The following TRIO variants were observed in gnomAD, a reference collection of about 807,000 sequenced individuals.
TRIO encodes the protein triple functional domain protein.
In TRIO, 58 loss-of-function variants were observed where a neutral mutation model predicts 351.9. That is an observed-to-expected ratio of 0.16 (90% confidence interval 0.13 to 0.21). TRIO has a LOEUF of 0.21. TRIO is among the 10% of genes least tolerant of loss of function. The pLI is 1.00. For missense variants in TRIO, 3,201 were observed against 4,027.8 expected, an observed-to-expected ratio of 0.79 and a Z score of 5.56; for synonymous variants, 1,758 against 1,595.7, an observed-to-expected ratio of 1.10 and a Z score of -2.42.
intron 7 of TRIO, 88 bp from the exon 8 acceptor site, chr5:14,304,373 C>T: frequency 1.5e-6 from 2 of 1,360,586 alleles, no homozygotes; most frequent in Non-Finnish European, 1.0e-6. Context: ...TCCCTCAAGT[C>T]CCCTAATTTT....
chr5:14,349,184 C>T (rs1742778191), intron 11 of TRIO, among the ~76,000 whole-genome samples: 1 of 136,322 alleles, frequency 7.3e-6, no homozygotes, highest in African/African-American at 2.8e-5. Flanking sequence ...TGTGTTTTTC[C>T]TGTGTGTATA....
At chr5:14,310,956 G>C (rs771583234) in intron 8 of TRIO, among the ~76,000 whole-genome samples, 12 of 152,224 alleles carry the variant, frequency 7.9e-5, no homozygotes, top group Non-Finnish European at 1.6e-4. Flanking sequence ...AAAGTGCTGA[G>C]ATTACAGGCG....
At chr5:14,490,581 C>T (rs1561553727) in intron 48 of TRIO, among the ~76,000 whole-genome samples, 1 of 152,378 alleles carries the variant, frequency 6.6e-6, no homozygotes, top group Middle Eastern at 3.4e-3. Context: ...TGGAGTCACT[C>T]CAGCCCTGCC....
intron 48 of TRIO, 160 bp from the exon 49 acceptor site, chr5:14,492,407 G>C: frequency 2.3e-6 from 2 of 888,444 alleles, no homozygotes; most frequent in African/African-American, 1.7e-5. Context: ...CACACAGTTA[G>C]CCAGAGGGTA....
chr5:14,447,376 A>G (rs963660411), intron 34 of TRIO, among the ~76,000 whole-genome samples: 3 of 152,256 alleles, frequency 2.0e-5, no homozygotes, highest in African/African-American at 4.8e-5. Flanking sequence ...CATGGTTTAT[A>G]GTAAATTTTC....
intron 49 of TRIO, among the ~76,000 whole-genome samples, chr5:14,495,038 T>G (rs188960054): frequency 1.3e-5 from 2 of 152,318 alleles, no homozygotes; most frequent in East Asian, 3.9e-4. Flanking sequence ...TGAAGAACAC[T>G]CATGAATCAT....
chr5:14,150,830 G>C (rs193041623), intron 1 of TRIO, among the ~76,000 whole-genome samples: 171 of 152,290 alleles, frequency 1.1e-3, no homozygotes, highest in African/African-American at 4.0e-3. Context: ...TCTTATAATT[G>C]CCCGGGGGTG....
intron 1 of TRIO, among the ~76,000 whole-genome samples, chr5:14,213,215 T>C (rs1334393365): frequency 6.6e-6 from 1 of 152,126 alleles, no homozygotes; most frequent in Non-Finnish European, 1.5e-5. Context: ...TTTTTCCTGC[T>C]TCTCCTCCCT....
chr5:14,184,900 G>A (rs558214069), intron 1 of TRIO, among the ~76,000 whole-genome samples: 1 of 152,102 alleles, frequency 6.6e-6, no homozygotes. Flanking sequence ...CATTAATCAC[G>A]TTTAGTGTTC....
rs141172608 is a variant in TRIO, at chr5:14,173,999, C to T, written c.157+30117C>T. Among the ~76,000 whole-genome samples, 46 of 152,344 alleles carry T rather than the reference C, an allele frequency of 3.0e-4. 2 individuals carry two copies. In the East Asian group the frequency reaches 4.8e-3, roughly 16 times the overall value. ...ACCAGCGGCTGCAAGTCCATTTATG[C>T]AAGGCTGTTGTAGGAAAGTAAGACA... On this transcript the variant is annotated intron_variant, in intron 1 of 56. Transcript: ENST00000344204.
At chr5:14,256,143 C>T (rs973733486) in intron 1 of TRIO, among the ~76,000 whole-genome samples, 2 of 152,108 alleles carry the variant, frequency 1.3e-5, no homozygotes, top group Admixed American at 6.5e-5. Flanking sequence ...GTGAGGGCCT[C>T]AGGAAGCTTC....
chr5:14,479,014 T>C (rs1296963286), intron 41 of TRIO, among the ~76,000 whole-genome samples: 1 of 152,010 alleles, frequency 6.6e-6, no homozygotes, highest in Non-Finnish European at 1.5e-5. Flanking sequence ...TGTTTGTTGG[T>C]ATTTGGTACT....
At chr5:14,485,438 T>C (rs996257997) in intron 47 of TRIO, among the ~76,000 whole-genome samples, 192 bp downstream of exon 47, 13 of 152,206 alleles carry the variant, frequency 8.5e-5, no homozygotes, top group Non-Finnish European at 1.5e-4. Flanking sequence ...TTATTCCTGC[T>C]TTACAGATGA....
At chr5:14,223,790 G>T (rs1792804985) in intron 1 of TRIO, among the ~76,000 whole-genome samples, 1 of 152,168 alleles carries the variant, frequency 6.6e-6, no homozygotes, top group Non-Finnish European at 1.5e-5. Flanking sequence ...TTGTAAATGT[G>T]TAATATTTTA....
chr5:14,237,153 C>A (rs1398087880), intron 1 of TRIO, among the ~76,000 whole-genome samples: 1 of 152,138 alleles, frequency 6.6e-6, no homozygotes, highest in East Asian at 1.9e-4. Context: ...TTGTGAATTT[C>A]CGGTTTTTCT....
intron 11 of TRIO, among the ~76,000 whole-genome samples, chr5:14,341,004 T>C (rs955534095): frequency 1.3e-5 from 2 of 152,240 alleles, no homozygotes; most frequent in African/African-American, 4.8e-5. Context: ...TCAGAATGCC[T>C]GCAGCCTGGT....
intron 2 of TRIO, among the ~76,000 whole-genome samples, chr5:14,272,890 GAA>G (rs1406261887): frequency 6.6e-6 from 1 of 152,122 alleles, no homozygotes; most frequent in Non-Finnish European, 1.5e-5. Flanking sequence ...AAATTACAAA[GAA>G]TGAGTAAACT....
intron 11 of TRIO, among the ~76,000 whole-genome samples, chr5:14,354,494 CCTG>C (rs1352017377): frequency 2.6e-5 from 4 of 152,196 alleles, no homozygotes; most frequent in African/African-American, 9.6e-5. Flanking sequence ...CGGACGCCCT[CCTG>C]CTGCGCTGCA....
chr5:14,228,925 C>T (rs1793220232), intron 1 of TRIO, among the ~76,000 whole-genome samples: 1 of 151,984 alleles, frequency 6.6e-6, no homozygotes, highest in Admixed American at 6.6e-5. Flanking sequence ...AGAGTCAAGC[C>T]ATCCTGATCT....
Sources: gnomAD v4.1 joint callset for allele counts (sites outside exome capture counted in the v4.1 genomes callset) on GRCh38, gnomAD v4.1.1 for gene constraint, MANE v1.5 for transcripts, NCBI Gene and HGNC (gene_info 2026-07-23, HGNC 2026-07-21) for gene names.